The following ZNF333 variants were observed in gnomAD, a reference collection of about 807,000 sequenced individuals.
ZNF333 encodes zinc finger protein 333.
A neutral mutation model predicts 76.1 loss-of-function variants in ZNF333; 61 were observed. The observed-to-expected ratio is 0.80, with a 90% CI of 0.65 to 0.99. The LOEUF (loss-of-function observed/expected upper bound fraction) is 0.99, where lower values mean the gene tolerates loss of function less well. Among genes scored for constraint, ZNF333 ranks in the 50% least tolerant of loss-of-function variants. ZNF333 has a pLI of 0.00. For synonymous variants in ZNF333, 284 were observed against 305.0 expected, an observed-to-expected ratio of 0.93 and a Z score of 0.72; for missense variants, 717 against 822.4, an observed-to-expected ratio of 0.87 and a Z score of 1.57.
chr19:14,698,087 G>A (rs1353129149), intron 4 of ZNF333, among the ~76,000 whole-genome samples: 4 of 151,998 alleles, frequency 2.6e-5, no homozygotes, highest in African/African-American at 9.7e-5. Flanking sequence ...CAAGTCTAAG[G>A]TCAGTATTAA....
At chr19:14,733,014 G>A (rs1446901541) in exon 12 of ZNF333, 1 of 152,202 alleles carries the variant, frequency 6.6e-6, no homozygotes, top group Non-Finnish European at 1.5e-5. Flanking sequence ...GGACCCACAT[G>A]TTCCAAGCCT....
At chr19:14,712,618 G>T (rs144851750) in intron 7 of ZNF333, among the ~76,000 whole-genome samples, 11 of 152,178 alleles carry the variant, frequency 7.2e-5, no homozygotes, top group South Asian at 2.1e-4. Flanking sequence ...GATGGCTCGG[G>T]GGGGAGGATC....
chr19:14,725,320 AC>A (rs2042626911), downstream of ZNF333, among the ~76,000 whole-genome samples: 1 of 152,230 alleles, frequency 6.6e-6, no homozygotes, highest in Admixed American at 6.5e-5. Context: ...ATTGGGGATT[AC>A]ATTTCAACAA....
At chr19:14,702,089 C>T (rs773681342) in intron 5 of ZNF333, among the ~76,000 whole-genome samples, 3 of 152,130 alleles carry the variant, frequency 2.0e-5, no homozygotes, top group African/African-American at 4.8e-5. Context: ...ATGGTGGCTC[C>T]GAGACCTCCC....
At chr19:14,696,130 C>T (rs1973167847) in intron 4 of ZNF333, among the ~76,000 whole-genome samples, 1 of 152,208 alleles carries the variant, frequency 6.6e-6, no homozygotes, top group Non-Finnish European at 1.5e-5. Context: ...AAGATTGCAT[C>T]ACTGCACTCC....
chr19:14,719,733 G>A lies in ZNF333; in HGVS notation c.*408G>A, dbSNP rs1240655741. 4 of 1,000,242 alleles carry A rather than the reference G, an allele frequency of 4.0e-6. No individual in the cohort carries two copies. In the East Asian group the frequency reaches 3.2e-4, roughly 81 times the overall value. The allele number at this position is 1,000,242 out of a possible 1,614,324, so 62.0% of individuals were successfully genotyped here. A position where few individuals can be genotyped will look rare whatever the true frequency, so the allele number is the denominator to read the frequency against. ...CTAATTTAATTACATGGTGAGAAGA[G>A]TATGTGGCCTCTTTGTTACTGAGTC... On this transcript the variant is annotated 3_prime_UTR_variant, in exon 12 of 12. Transcript: ENST00000292530.
intron 10 of ZNF333, 40 bp downstream of exon 10, chr19:14,717,129 G>A: frequency 6.5e-7 from 1 of 1,533,002 alleles, no homozygotes; most frequent in South Asian, 1.2e-5. Context: ...GCTCTGGTCA[G>A]TAAGGGGAGT....
chr19:14,706,941 G>A, intron 7 of ZNF333, 168 bp downstream of exon 7: 1 of 556,526 alleles, frequency 1.8e-6, no homozygotes, highest in Non-Finnish European at 3.1e-6. Context: ...GTTTAAGTGG[G>A]AGGGCACTTC....
intron 6 of ZNF333, chr19:14,705,955 C>G (rs374000790): frequency 3.6e-5 from 14 of 385,992 alleles, no homozygotes; most frequent in South Asian, 1.9e-4. Context: ...CTGAGCCCTG[C>G]ATGAGGAGAA....
chr19:14,701,199 G>A (rs2041947233), intron 5 of ZNF333, among the ~76,000 whole-genome samples: 1 of 152,152 alleles, frequency 6.6e-6, no homozygotes, highest in Admixed American at 6.5e-5. Context: ...CCGATGTGGT[G>A]GTTGCGGTAA....
intron 1 of ZNF333, among the ~76,000 whole-genome samples, 188 bp from the exon 2 acceptor site, chr19:14,693,263 G>A (rs555711981): frequency 1.8e-3 from 273 of 152,360 alleles, no homozygotes; most frequent in African/African-American, 6.2e-3. Context: ...TTCCTTTGAT[G>A]ACATGGGAAG....
intron 5 of ZNF333, among the ~76,000 whole-genome samples, chr19:14,703,925 C>T (rs184536360): frequency 6.6e-4 from 100 of 152,300 alleles, no homozygotes; most frequent in Admixed American, 1.2e-3. Context: ...GAACCAAGAT[C>T]TCCCGACCTT....
At position 14,719,872 on chromosome 19, in the gene ZNF333, C is replaced by G. The variant is rs1193942511; in HGVS notation, c.*547C>G. 2.0e-6 allele frequency: 2 copies of G among 986,198 alleles called. No individual in the cohort carries two copies. Among genetic ancestry groups the G allele is most frequent in the Admixed American group, 1.2e-4 (2 of 16,334 alleles). The allele number at this position is 986,198 out of a possible 1,614,324, so 61.1% of individuals were successfully genotyped here. A position where few individuals can be genotyped will look rare whatever the true frequency, so the allele number is the denominator to read the frequency against. On this transcript the variant is annotated 3_prime_UTR_variant, in exon 12 of 12. Transcript: ENST00000292530. The stretch of plus-strand genomic sequence containing the variant: ...AACCTGGGTTTTCTGTTCAGATTGG[C>G]AGTGTGCACTATTAAAAAGCTTCCA...
intron 5 of ZNF333, chr19:14,701,897 G>A: frequency 1.0e-6 from 1 of 985,546 alleles, no homozygotes; most frequent in Non-Finnish European, 1.2e-6. Context: ...GAGTAGTAGA[G>A]GTGGGTTTGG....
downstream of ZNF333, among the ~76,000 whole-genome samples, chr19:14,724,895 T>C (rs984317691): frequency 6.6e-6 from 1 of 152,262 alleles, no homozygotes; most frequent in African/African-American, 2.4e-5. Context: ...TATTTAATGC[T>C]ATGTTCTTCA....
chr19:14,730,059 T>C (rs938594295), intron 11 of ZNF333, among the ~76,000 whole-genome samples: 4 of 152,114 alleles, frequency 2.6e-5, no homozygotes, highest in African/African-American at 9.7e-5. Flanking sequence ...TTATTTTTAT[T>C]TTTTATTTTT....
chr19:14,729,188 C>G lies in ZNF333; in HGVS notation c.901-1987C>G, dbSNP rs561582200. Among the ~76,000 whole-genome samples the G allele has an allele frequency of 2.6e-5, 4 of 152,224 alleles. No homozygotes were observed. In the South Asian group the frequency reaches 8.3e-4, roughly 32 times the overall value. On this transcript the variant is annotated intron_variant, in intron 11 of 11. Coordinates refer to the ZNF333 transcript ENST00000540689. The stretch of plus-strand genomic sequence containing the variant: ...AACAGACTGAACCTTTGAAGAGAAA[C>G]CGAGAGATTCATTGCATCCTACAGT...
chr19:14,709,563 C>T (rs1488044618), intron 7 of ZNF333, among the ~76,000 whole-genome samples: 2 of 152,140 alleles, frequency 1.3e-5, no homozygotes, highest in African/African-American at 2.4e-5. Flanking sequence ...ATGTTGAAGC[C>T]CTATTGTCTC....
chr19:14,705,155 G>A lies in ZNF333; in HGVS notation c.408G>A (p.Trp136Ter). The change falls in exon 6 of 12, where the codon TGG (tryptophan) becomes TGA (stop). Residue 136 changes from tryptophan to a stop codon, truncating the protein, a stop_gained. Coordinates refer to ENST00000292530, the MANE Select transcript of ZNF333 (RefSeq NM_032433.4). LOFTEE classifies it high-confidence loss of function. ...GGCCAGCTCTCCAGGAGCCGCCTTGGTCTCTGGGATGCACGGTAAGCCTGG... is the reference window on the plus strand; with the variant it reads ...GGCCAGCTCTCCAGGAGCCGCCTTGATCTCTGGGATGCACGGTAAGCCTGG... ...EDRPALQEPP[W>*]SLGCTGLKAA... 1 of 1,613,546 alleles carries A rather than the reference G, an allele frequency of 6.2e-7. No individual in the cohort carries two copies. The highest frequency in any genetic ancestry group is 1.7e-4 in the Middle Eastern group (1 of 5,836).
Sources: gnomAD v4.1 joint callset for allele counts (sites outside exome capture counted in the v4.1 genomes callset) on GRCh38, gnomAD v4.1.1 for gene constraint, MANE v1.5 for transcripts, NCBI Gene and HGNC (gene_info 2026-07-23, HGNC 2026-07-21) for gene names.